The following MCTP1 variants were observed in gnomAD, a reference collection of about 807,000 sequenced individuals.
MCTP1 encodes multiple C2 and transmembrane domain-containing protein 1.
In MCTP1, 69 loss-of-function variants were observed where a neutral mutation model predicts 120.6. The ratio of observed to expected loss-of-function variants is 0.57; its 90% CI spans 0.47 to 0.70. MCTP1 has a LOEUF of 0.70. MCTP1 is among the 30% of genes least tolerant of loss of function. The pLI is 0.00. For synonymous variants in MCTP1, 529 were observed against 493.1 expected, an observed-to-expected ratio of 1.07 and a Z score of -0.96; for missense variants, 1,203 against 1,248.8, an observed-to-expected ratio of 0.96 and a Z score of 0.55.
At chr5:94,920,614 C>T (rs1254083176) in intron 7 of MCTP1, among the ~76,000 whole-genome samples, 1 of 151,860 alleles carries the variant, frequency 6.6e-6, no homozygotes, top group Non-Finnish European at 1.5e-5. Flanking sequence ...TGGTGGCGGG[C>T]GCTTGTAGTC....
intron 3 of MCTP1, 34 bp downstream of exon 3, chr5:94,953,185 G>A: frequency 6.4e-7 from 1 of 1,555,862 alleles, no homozygotes; most frequent in South Asian, 1.2e-5. Context: ...TTCCACATCA[G>A]TTTCTATCAG....
At chr5:94,743,630 CATTT>C (rs1225634165) in intron 19 of MCTP1, among the ~76,000 whole-genome samples, 1 of 124,582 alleles carries the variant, frequency 8.0e-6, no homozygotes, top group Non-Finnish European at 1.6e-5. Flanking sequence ...TCAAAATCCA[CATTT>C]TTTTTTTTTT....
At chr5:94,844,299 C>T (rs1418476293) in intron 17 of MCTP1, among the ~76,000 whole-genome samples, 3 of 17,754 alleles carry the variant, frequency 1.7e-4, no homozygotes, top group Non-Finnish European at 7.4e-4. Flanking sequence ...GAGACTCTGT[C>T]TCAAAAAAAA....
chr5:95,199,972 C>T (rs945573559), intron 1 of MCTP1, among the ~76,000 whole-genome samples: 7 of 151,980 alleles, frequency 4.6e-5, no homozygotes, highest in Admixed American at 3.3e-4. Flanking sequence ...ATCAGCCTGG[C>T]CAACATGGTG....
chr5:95,260,275 C>T (rs890282852), intron 1 of MCTP1, among the ~76,000 whole-genome samples: 13 of 152,124 alleles, frequency 8.5e-5, no homozygotes, highest in African/African-American at 2.2e-4. Context: ...CCCCTTGAGG[C>T]GCTCATCCAG....
intron 19 of MCTP1, among the ~76,000 whole-genome samples, chr5:94,715,373 A>C (rs1317457783): frequency 2.0e-5 from 3 of 150,454 alleles, no homozygotes; most frequent in East Asian, 1.9e-4. Flanking sequence ...CAAAAAAAAA[A>C]AAAAAAAAAA....
At chr5:94,860,558 C>T (rs1247410955) in intron 17 of MCTP1, among the ~76,000 whole-genome samples, 1 of 151,756 alleles carries the variant, frequency 6.6e-6, no homozygotes, top group African/African-American at 2.4e-5. Flanking sequence ...CACAAATGCT[C>T]TTTCTCCAGA....
intron 1 of MCTP1, among the ~76,000 whole-genome samples, chr5:95,142,200 T>C (rs181166995): frequency 3.9e-5 from 6 of 152,318 alleles, no homozygotes; most frequent in African/African-American, 1.4e-4. Context: ...TTAGGGATTT[T>C]AACAACACAG....
At chr5:94,718,757 T>C (rs1374708450) in intron 19 of MCTP1, among the ~76,000 whole-genome samples, 12 of 152,216 alleles carry the variant, frequency 7.9e-5, no homozygotes, top group Admixed American at 4.6e-4. Context: ...TTCGCTCTTA[T>C]TGCCCAGGCT....
intron 19 of MCTP1, among the ~76,000 whole-genome samples, chr5:94,773,300 A>G (rs980858610): frequency 6.6e-6 from 1 of 152,184 alleles, no homozygotes; most frequent in Admixed American, 6.5e-5. Flanking sequence ...ATGTTCCTAT[A>G]ATCTTTGAAA....
intron 12 of MCTP1, among the ~76,000 whole-genome samples, chr5:94,882,529 A>G (rs1409898375): frequency 2.7e-5 from 3 of 109,928 alleles, no homozygotes; most frequent in African/African-American, 8.9e-5. Flanking sequence ...TTATGTTGCA[A>G]TGTAACAAAA....
intron 1 of MCTP1, among the ~76,000 whole-genome samples, chr5:95,066,289 A>G (rs1356852459): frequency 6.6e-6 from 1 of 152,216 alleles, no homozygotes; most frequent in African/African-American, 2.4e-5. Context: ...GTGAATCAAA[A>G]TTACAATAAG....
At chr5:94,998,500 C>CAATA (rs146163798) in intron 2 of MCTP1, among the ~76,000 whole-genome samples, 3,431 of 152,286 alleles carry the variant, frequency 0.023, 124 homozygotes, top group African/African-American at 0.075. Flanking sequence ...GACCGCCTGA[C>CAATA]AATATCCCTT....
chr5:94,854,492 TAGAAC>T (rs968201815), intron 17 of MCTP1, among the ~76,000 whole-genome samples: 3 of 151,864 alleles, frequency 2.0e-5, no homozygotes, highest in Non-Finnish European at 4.4e-5. Flanking sequence ...GGTTGGAACT[TAGAAC>T]AAGCATATGG....
intron 1 of MCTP1, among the ~76,000 whole-genome samples, chr5:95,030,070 T>C (rs1009362990): frequency 6.6e-6 from 1 of 152,144 alleles, no homozygotes; most frequent in African/African-American, 2.4e-5. Flanking sequence ...CCCATTTTGG[T>C]GGTAGCCCTC....
chr5:94,811,304 G>C (rs1342656387), intron 17 of MCTP1, among the ~76,000 whole-genome samples: 1 of 152,178 alleles, frequency 6.6e-6, no homozygotes, highest in African/African-American at 2.4e-5. Flanking sequence ...TGAGCACTAA[G>C]TATACATTTC....
intron 18 of MCTP1, chr5:94,788,693 T>G (rs542090125): frequency 7.1e-6 from 1 of 141,198 alleles, no homozygotes; most frequent in African/African-American, 2.5e-5. Context: ...TCCCTCCCCA[T>G]GTTTAGAATA....
intron 5 of MCTP1, among the ~76,000 whole-genome samples, chr5:94,937,127 T>C (rs528383767): frequency 6.6e-6 from 1 of 152,054 alleles, no homozygotes; most frequent in Non-Finnish European, 1.5e-5. Flanking sequence ...GTTGAGCCAC[T>C]TGCTTCTCTG....
chr5:95,126,625 T>G (rs1758653611), intron 1 of MCTP1, among the ~76,000 whole-genome samples: 2 of 152,200 alleles, frequency 1.3e-5, no homozygotes, highest in Non-Finnish European at 2.9e-5. Flanking sequence ...CTTTGAAATT[T>G]TGATATTGGT....
Sources: allele counts gnomAD v4.1 joint callset (sites outside exome capture counted in the v4.1 genomes callset), GRCh38; gene constraint gnomAD v4.1.1; transcripts MANE v1.5; gene names NCBI Gene and HGNC (gene_info 2026-07-23, HGNC 2026-07-21).